Variants in SNTG1 observed in about 807,000 individuals in gnomAD.
SNTG1 encodes syntrophin gamma 1.
A neutral mutation model predicts 74.7 loss-of-function variants in SNTG1; 39 were observed. The ratio of observed to expected loss-of-function variants is 0.52; its 90% CI spans 0.40 to 0.68. The LOEUF is 0.68. Ranked by LOEUF, SNTG1 falls within the 30% of genes least tolerant of loss-of-function variation. The pLI is 0.00. For synonymous variants in SNTG1, 254 were observed against 217.1 expected, an observed-to-expected ratio of 1.17 and a Z score of -1.49; for missense variants, 685 against 609.5, an observed-to-expected ratio of 1.12 and a Z score of -1.30.
intron 1 of SNTG1, among the ~76,000 whole-genome samples, chr8:50,013,403 C>T (rs748700271): frequency 6.6e-6 from 1 of 151,824 alleles, no homozygotes; most frequent in Non-Finnish European, 1.5e-5. Flanking sequence ...ATTATTGATT[C>T]CTCCTTTATT....
chr8:50,296,893 G>T (rs1468240910), intron 2 of SNTG1, among the ~76,000 whole-genome samples: 1 of 152,094 alleles, frequency 6.6e-6, no homozygotes, highest in African/African-American at 2.4e-5. Flanking sequence ...TTATTAAGTA[G>T]TAAGCGCAAG....
chr8:50,333,996 A>T (rs937560643), intron 2 of SNTG1, among the ~76,000 whole-genome samples: 2 of 152,192 alleles, frequency 1.3e-5, no homozygotes, highest in African/African-American at 4.8e-5. Flanking sequence ...TCCCGGGTTC[A>T]AGCGATTCTC....
At chr8:50,535,723 C>A (rs1234982023) in intron 10 of SNTG1, among the ~76,000 whole-genome samples, 2 of 152,156 alleles carry the variant, frequency 1.3e-5, no homozygotes, top group African/African-American at 4.8e-5. Context: ...TCACTGGAAG[C>A]ATTGTTAAAA....
At chr8:50,685,334 G>T (rs1342285857) in intron 15 of SNTG1, among the ~76,000 whole-genome samples, 1 of 152,136 alleles carries the variant, frequency 6.6e-6, no homozygotes, top group African/African-American at 2.4e-5. Context: ...GTCCTCCAGG[G>T]TAATAATGGT....
chr8:50,544,127 T>C (rs1175905571), intron 11 of SNTG1, among the ~76,000 whole-genome samples: 1 of 152,116 alleles, frequency 6.6e-6, no homozygotes, highest in Non-Finnish European at 1.5e-5. Context: ...TAATTAAAAA[T>C]GTTTATTATT....
At chr8:50,603,893 C>T (rs2094793251) in intron 13 of SNTG1, among the ~76,000 whole-genome samples, 1 of 152,200 alleles carries the variant, frequency 6.6e-6, no homozygotes, top group Non-Finnish European at 1.5e-5. Context: ...TGGCCACCAT[C>T]ATTAGGACTG....
chr8:50,302,707 A>C (rs2089706966), intron 2 of SNTG1, among the ~76,000 whole-genome samples: 7 of 152,056 alleles, frequency 4.6e-5, no homozygotes, highest in Admixed American at 4.6e-4. Context: ...TCTGTCTTTC[A>C]TACTCTCATA....
At chr8:50,526,458 TA>T (rs1178716639) in intron 9 of SNTG1, among the ~76,000 whole-genome samples, 1 of 152,120 alleles carries the variant, frequency 6.6e-6, no homozygotes, top group Non-Finnish European at 1.5e-5. Flanking sequence ...TTACCTGGGT[TA>T]CTGTGACTTA....
chr8:50,490,808 C>T (rs772699882), intron 8 of SNTG1: 1 of 152,584 alleles, frequency 6.6e-6, no homozygotes, highest in Non-Finnish European at 1.5e-5. Context: ...GCAACTCCAG[C>T]CTGGGCCTGG....
chr8:50,037,149 A>G (rs534521714), intron 1 of SNTG1, among the ~76,000 whole-genome samples: 1 of 152,358 alleles, frequency 6.6e-6, no homozygotes, highest in East Asian at 1.9e-4. Flanking sequence ...CTAAGTTTAG[A>G]AAATCATAAA....
chr8:50,481,971 A>G (rs2093744591), intron 8 of SNTG1, among the ~76,000 whole-genome samples: 1 of 152,234 alleles, frequency 6.6e-6, no homozygotes, highest in Non-Finnish European at 1.5e-5. Context: ...TCAGCCCTGC[A>G]TGCAACATGT....
chr8:50,787,194 C>T (rs1324365709), intron 18 of SNTG1, among the ~76,000 whole-genome samples: 1 of 151,754 alleles, frequency 6.6e-6, no homozygotes, highest in Non-Finnish European at 1.5e-5. Flanking sequence ...ATTGACATTT[C>T]TCCAGAGAAG....
At chr8:50,311,799 C>CACTTTGTAAAAAA (rs1353188282) in intron 2 of SNTG1, among the ~76,000 whole-genome samples, 9 of 152,248 alleles carry the variant, frequency 5.9e-5, no homozygotes, top group African/African-American at 1.9e-4. Context: ...CATGGAAATA[C>CACTTTGTAAAAAA]ACTTTGTATA....
chr8:50,205,086 G>A (rs1220474472), intron 2 of SNTG1, among the ~76,000 whole-genome samples: 3 of 152,198 alleles, frequency 2.0e-5, no homozygotes, highest in Non-Finnish European at 2.9e-5. Flanking sequence ...TATACACCCA[G>A]TAATGAGATG....
chr8:50,542,792 G>A (rs1469955481), intron 11 of SNTG1, among the ~76,000 whole-genome samples: 1 of 152,082 alleles, frequency 6.6e-6, no homozygotes, highest in Non-Finnish European at 1.5e-5. Flanking sequence ...CATTTTAACT[G>A]GGGTGAGATA....
chr8:50,010,499 A>G (rs1815671196), intron 1 of SNTG1, among the ~76,000 whole-genome samples: 1 of 152,184 alleles, frequency 6.6e-6, no homozygotes, highest in Non-Finnish European at 1.5e-5. Context: ...ATAAAACAAA[A>G]TCTGAATGTA....
chr8:50,552,889 C>T (rs754560859), intron 11 of SNTG1, among the ~76,000 whole-genome samples, 161 bp from the exon 12 acceptor site: 1 of 152,122 alleles, frequency 6.6e-6, no homozygotes. Context: ...TTCAGTGTTT[C>T]ATTTAAAACA....
intron 12 of SNTG1, among the ~76,000 whole-genome samples, chr8:50,567,852 A>G (rs1429151657): frequency 6.6e-6 from 1 of 152,080 alleles, no homozygotes; most frequent in Non-Finnish European, 1.5e-5. Flanking sequence ...CTTTGTTTTA[A>G]TAACATTCAA....
At chr8:50,558,814 A>T (rs2130663256) in intron 12 of SNTG1, among the ~76,000 whole-genome samples, 1 of 152,316 alleles carries the variant, frequency 6.6e-6, no homozygotes, top group South Asian at 2.1e-4. Context: ...TCAGACAAAT[A>T]GAAAAATAAA....
Sources: gnomAD v4.1 joint callset for allele counts (sites outside exome capture counted in the v4.1 genomes callset) on GRCh38, gnomAD v4.1.1 for gene constraint, MANE v1.5 for transcripts, NCBI Gene and HGNC (gene_info 2026-07-23, HGNC 2026-07-21) for gene names.